STXBP5L: variants seen among roughly 807,000 people sequenced by gnomAD.
STXBP5L encodes syntaxin-binding protein 5-like.
Under a neutral mutation model 144.5 loss-of-function variants are expected in STXBP5L, and 65 were observed. The observed-to-expected ratio is 0.45, with a 90% CI of 0.37 to 0.55. STXBP5L has a LOEUF of 0.55. Among genes scored for constraint, STXBP5L ranks in the 20% least tolerant of loss-of-function variants. The pLI is 0.00. For missense variants in STXBP5L, 1,298 were observed against 1,405.5 expected (o/e 0.92, Z 1.22); for synonymous variants, 505 against 469.6 (o/e 1.08, Z -0.97).
At chr3:121,180,687 C>T (rs1043734343) in intron 9 of STXBP5L, among the ~76,000 whole-genome samples, 1 of 152,140 alleles carries the variant, frequency 6.6e-6, no homozygotes, top group African/African-American at 2.4e-5. Context: ...CCAGCCTGAC[C>T]AACATGGTGA....
chr3:121,333,287 A>G (rs1221498476), intron 20 of STXBP5L, among the ~76,000 whole-genome samples: 2 of 152,168 alleles, frequency 1.3e-5, no homozygotes, highest in Non-Finnish European at 2.9e-5. Context: ...AATATACAGA[A>G]TGAAATTAAG....
intron 5 of STXBP5L, among the ~76,000 whole-genome samples, chr3:121,059,285 A>G (rs1205891462): frequency 6.6e-6 from 1 of 151,988 alleles, no homozygotes; most frequent in African/African-American, 2.4e-5. Flanking sequence ...ATGGTTGTAG[A>G]TGTGTGGTGT....
intron 7 of STXBP5L, among the ~76,000 whole-genome samples, chr3:121,124,708 C>G (rs1409102172): frequency 4.6e-5 from 7 of 151,944 alleles, no homozygotes; most frequent in Non-Finnish European, 2.9e-5. Context: ...TTTATAAAAA[C>G]TGAAAATATA....
intron 3 of STXBP5L, among the ~76,000 whole-genome samples, chr3:120,974,131 T>C (rs1437356773): frequency 1.3e-5 from 2 of 152,182 alleles, no homozygotes; most frequent in Non-Finnish European, 2.9e-5. Context: ...ACTTCCACAA[T>C]GGTTGAACTA....
chr3:121,407,618 A>G lies in STXBP5L; in HGVS notation c.2948+15A>G. On this transcript the variant is annotated intron_variant, in intron 23 of 26. Coordinates refer to ENST00000471454, the MANE Select transcript of STXBP5L (RefSeq NM_001308330.2). ...ATGATAATGAGGTACTTGCCTTCTT[A>G]TAAATTATCTGGTAATCACAACAAT... 6.2e-7 allele frequency: 1 copy of G among 1,612,680 alleles called. No individual in the cohort carries two copies. The highest frequency in any genetic ancestry group is 8.5e-7 in the Non-Finnish European group (1 of 1,179,368).
chr3:121,401,396 A>G (rs2046870434), intron 22 of STXBP5L, among the ~76,000 whole-genome samples: 1 of 151,044 alleles, frequency 6.6e-6, no homozygotes, highest in South Asian at 2.1e-4. Flanking sequence ...ATTACTGGGT[A>G]TATACCCAAA....
intron 9 of STXBP5L, among the ~76,000 whole-genome samples, chr3:121,201,914 C>T (rs1382425638): frequency 6.6e-6 from 1 of 152,150 alleles, no homozygotes; most frequent in Admixed American, 6.5e-5. Flanking sequence ...TGCCACCACA[C>T]CTGGCTAATT....
At chr3:121,168,622 G>A (rs374190129) in intron 9 of STXBP5L, among the ~76,000 whole-genome samples, 35 of 152,218 alleles carry the variant, frequency 2.3e-4, no homozygotes, top group African/African-American at 7.0e-4. Flanking sequence ...GAAATAAAGC[G>A]TGAAGACAAG....
chr3:121,099,832 C>T (rs1259296688), intron 5 of STXBP5L: 1 of 152,164 alleles, frequency 6.6e-6, no homozygotes, highest in Non-Finnish European at 1.5e-5. Flanking sequence ...AAAAGCAAGA[C>T]TCATCTCTCT....
At chr3:121,182,356 A>G (rs2047191721) in intron 9 of STXBP5L, among the ~76,000 whole-genome samples, 1 of 152,258 alleles carries the variant, frequency 6.6e-6, no homozygotes, top group African/African-American at 2.4e-5. Flanking sequence ...CTGGAAATTT[A>G]TTTTAAAAGG....
At chr3:121,174,155 G>A (rs1301873181) in intron 9 of STXBP5L, among the ~76,000 whole-genome samples, 2 of 151,960 alleles carry the variant, frequency 1.3e-5, no homozygotes, top group East Asian at 1.9e-4. Context: ...ATATTATACC[G>A]TTATGGTTTA....
chr3:121,004,307 A>T (rs1374228307), intron 3 of STXBP5L, among the ~76,000 whole-genome samples: 4 of 151,264 alleles, frequency 2.6e-5, no homozygotes, highest in Non-Finnish European at 5.9e-5. Context: ...ATTCTCTTTG[A>T]AGCAATTGTG....
chr3:121,130,030 A>G (rs1052893224), intron 7 of STXBP5L, among the ~76,000 whole-genome samples: 2 of 152,132 alleles, frequency 1.3e-5, no homozygotes, highest in South Asian at 2.1e-4. Context: ...TGTCCTTGAA[A>G]TTACTGAACC....
At chr3:121,092,127 T>C (rs1258378910) in intron 5 of STXBP5L, among the ~76,000 whole-genome samples, 3 of 152,206 alleles carry the variant, frequency 2.0e-5, no homozygotes, top group African/African-American at 7.2e-5. Context: ...TCTATTGGTC[T>C]ATATCTCTGT....
At position 121,188,332 on chromosome 3, in the gene STXBP5L, C is replaced by A. The variant is rs180810624; in HGVS notation, c.878-17591C>A. Among the ~76,000 whole-genome samples the A allele has an allele frequency of 3.9e-5, 6 of 152,268 alleles. No individual in the cohort carries two copies. The East Asian group carries it at 1.2e-3, about 29-fold the overall frequency. On this transcript the variant is annotated intron_variant, in intron 9 of 26. Coordinates refer to ENST00000471454, the MANE Select transcript of STXBP5L (RefSeq NM_001308330.2). ...GTAAAAGAATAGAAATCACAACAAA[C>A]TGTCTCTCAGAACACAGTGCAATCA... is the stretch of plus-strand genomic sequence containing the variant.
chr3:121,392,805 AT>A (rs1200218514), intron 22 of STXBP5L, among the ~76,000 whole-genome samples: 1 of 117,224 alleles, frequency 8.5e-6, no homozygotes, highest in Admixed American at 8.3e-5. Context: ...ATATATATAT[AT>A]ATCACATTTT....
chr3:120,983,211 G>A (rs1186953385), intron 3 of STXBP5L, among the ~76,000 whole-genome samples: 1 of 152,162 alleles, frequency 6.6e-6, no homozygotes, highest in Non-Finnish European at 1.5e-5. Flanking sequence ...ACAGGCGTCT[G>A]GGGTCTGGCC....
chr3:121,348,327 AG>A (rs2045098232), intron 20 of STXBP5L, among the ~76,000 whole-genome samples: 2 of 152,082 alleles, frequency 1.3e-5, no homozygotes, highest in South Asian at 4.1e-4. Context: ...ATGGTGGATA[AG>A]GGTTTTGATG....
intron 20 of STXBP5L, among the ~76,000 whole-genome samples, chr3:121,347,696 G>A (rs1432778624): frequency 6.6e-6 from 1 of 152,056 alleles, no homozygotes; most frequent in Admixed American, 6.6e-5. Flanking sequence ...TGGATTCCTA[G>A]GTATTTTATT....
Sources: allele counts gnomAD v4.1 joint callset (sites outside exome capture counted in the v4.1 genomes callset), GRCh38; gene constraint gnomAD v4.1.1; transcripts MANE v1.5; gene names NCBI Gene and HGNC (gene_info 2026-07-23, HGNC 2026-07-21).